LMNTD1: variants seen among roughly 807,000 people sequenced by gnomAD.
The protein encoded by LMNTD1 is lamin tail domain-containing protein 1.
A neutral mutation model predicts 50.9 loss-of-function variants in LMNTD1; 35 were observed. The observed-to-expected ratio is 0.69, with a 90% CI of 0.53 to 0.91. The LOEUF is 0.91. Among genes scored for constraint, LMNTD1 ranks in the 40% least tolerant of loss-of-function variants. The pLI, the probability that LMNTD1 is intolerant of heterozygous loss-of-function variation, is 0.00. For synonymous variants in LMNTD1, 153 were observed against 161.9 expected (o/e 0.94, Z 0.42); for missense variants, 470 against 475.5 (o/e 0.99, Z 0.11).
intron 1 of LMNTD1, among the ~76,000 whole-genome samples, chr12:25,642,460 T>A (rs987538883): frequency 6.6e-6 from 1 of 152,120 alleles, no homozygotes; most frequent in Non-Finnish European, 1.5e-5. Flanking sequence ...AACCCAACCA[T>A]GCTGCACTCC....
intron 4 of LMNTD1, among the ~76,000 whole-genome samples, chr12:25,543,301 C>A (rs1943220064): frequency 6.6e-6 from 1 of 151,922 alleles, no homozygotes; most frequent in Non-Finnish European, 1.5e-5. Flanking sequence ...CCAAAACAGA[C>A]AAGGACATTA....
chr12:25,511,057 A>G (rs1026161864), intron 8 of LMNTD1, among the ~76,000 whole-genome samples: 6 of 152,154 alleles, frequency 3.9e-5, no homozygotes, highest in Admixed American at 3.9e-4. Context: ...AGGATGAAAA[A>G]GAATTATCCA....
intron 9 of LMNTD1, among the ~76,000 whole-genome samples, chr12:25,488,048 C>T (rs1413301290): frequency 6.7e-6 from 1 of 148,250 alleles, no homozygotes; most frequent in Non-Finnish European, 1.5e-5. Context: ...CGACCTTTCT[C>T]TCTGGCTGCC....
At chr12:25,517,764 G>GAAAAAA (rs1399498214) in intron 8 of LMNTD1, among the ~76,000 whole-genome samples, 1 of 41,640 alleles carries the variant, frequency 2.4e-5, no homozygotes, top group Admixed American at 2.5e-4. Context: ...TTCTAAGCAG[G>GAAAAAA]AAAAAAGAAA....
rs549027201 is a variant in LMNTD1, at chr12:25,489,414, A to C, written c.*23-12954T>G. Among the ~76,000 whole-genome samples, 27 of 151,456 alleles carry C rather than the reference A, an allele frequency of 1.8e-4. No individual in the cohort carries two copies. In the East Asian group the frequency reaches 3.5e-3, roughly 20 times the overall value. On this transcript the variant is annotated intron_variant, in intron 9 of 9. Transcript: ENST00000458174. ...TTCCAGGTGCGTCCGTCACCCCTTT[A>C]TTTGACTCGGAAAGGGAACTCCCTG...
chr12:25,625,577 T>A (rs1323610053), intron 1 of LMNTD1, among the ~76,000 whole-genome samples: 4 of 152,192 alleles, frequency 2.6e-5, no homozygotes, highest in African/African-American at 9.6e-5. Flanking sequence ...CCATGCCTTC[T>A]CCAATTGAGC....
intron 1 of LMNTD1, among the ~76,000 whole-genome samples, chr12:25,639,801 C>A (rs1946914013): frequency 6.6e-6 from 1 of 152,144 alleles, no homozygotes; most frequent in Admixed American, 6.5e-5. Flanking sequence ...ACACCTAGAT[C>A]TATACACAAT....
intron 1 of LMNTD1, among the ~76,000 whole-genome samples, chr12:25,612,328 A>ACACGCACG (rs34069424): frequency 6.8e-6 from 1 of 146,418 alleles, no homozygotes; most frequent in East Asian, 2.0e-4. Context: ...ACACACACAC[A>ACACGCACG]CGCGCTCCCA....
intron 8 of LMNTD1, among the ~76,000 whole-genome samples, chr12:25,508,328 C>A (rs1469989477): frequency 1.3e-5 from 2 of 152,110 alleles, no homozygotes; most frequent in African/African-American, 4.8e-5. Flanking sequence ...ACCTTTGACA[C>A]CATGGTTCAA....
intron 4 of LMNTD1, among the ~76,000 whole-genome samples, chr12:25,534,540 G>A (rs1330346792): frequency 6.6e-6 from 1 of 152,150 alleles, no homozygotes; most frequent in Admixed American, 6.5e-5. Context: ...GAGGTCACAA[G>A]GAGAGTATCA....
intron 1 of LMNTD1, among the ~76,000 whole-genome samples, chr12:25,594,610 C>A (rs1945792631): frequency 7.9e-6 from 1 of 126,954 alleles, no homozygotes; most frequent in African/African-American, 3.0e-5. Flanking sequence ...AACAGCACAT[C>A]TTTAAAGCAT....
chr12:25,542,300 A>G (rs1362069053), intron 4 of LMNTD1, among the ~76,000 whole-genome samples: 1 of 151,870 alleles, frequency 6.6e-6, no homozygotes, highest in Non-Finnish European at 1.5e-5. Flanking sequence ...TATTCACAAT[A>G]GCAAAGACTT....
intron 1 of LMNTD1, among the ~76,000 whole-genome samples, chr12:25,614,229 T>C (rs1390530622): frequency 1.3e-5 from 2 of 152,058 alleles, no homozygotes; most frequent in African/African-American, 4.8e-5. Context: ...ATTTTTCTAG[T>C]TCTCTTCTGG....
chr12:25,486,810 T>C lies in LMNTD1; in HGVS notation c.*23-10350A>G, dbSNP rs918394543. 6.0e-5 allele frequency among the ~76,000 whole-genome samples: 9 copies of C among 151,016 alleles called. No homozygotes were observed. In the South Asian group the frequency reaches 8.5e-4, roughly 14 times the overall value. The stretch of plus-strand genomic sequence containing the variant: ...CTGTTTATATGCTGGATTACATTTA[T>C]TGATTTGCATATATTGAACCAGCCT... On this transcript the variant is annotated intron_variant, in intron 9 of 9. Coordinates refer to ENST00000458174, the MANE Select transcript of LMNTD1 (RefSeq NM_001145728.2).
chr12:25,527,640 CTATATA>C lies in LMNTD1; in HGVS notation c.492-691_492-686del, dbSNP rs61347000. 7.0e-3 allele frequency among the ~76,000 whole-genome samples: 433 copies of C among 61,522 alleles called. 1 individual carries two copies. The highest frequency in any genetic ancestry group is 8.4e-3 in the Non-Finnish European group (271 of 32,194). 40.4% of individuals were successfully genotyped at this position (61,522 alleles called of 152,430 possible). On this transcript the variant is annotated intron_variant, in intron 4 of 9. Coordinates refer to ENST00000458174, the MANE Select transcript of LMNTD1 (RefSeq NM_001145728.2). Reference sequence around the variant, plus strand: ...CTTATATGCCAGGCACTTAATAACACTATATATATATATATATATATATATATATAT... The same window carrying C: ...CTTATATGCCAGGCACTTAATAACACTATATATATATATATATATATATAT...
At chr12:25,606,464 G>A (rs1205354092) in intron 1 of LMNTD1, among the ~76,000 whole-genome samples, 1 of 152,104 alleles carries the variant, frequency 6.6e-6, no homozygotes, top group East Asian at 1.9e-4. Context: ...TATTGGCTGT[G>A]GGTTTGTCAT....
intron 6 of LMNTD1, among the ~76,000 whole-genome samples, chr12:25,525,866 T>C (rs1941669156): frequency 1.3e-5 from 2 of 152,090 alleles, no homozygotes; most frequent in African/African-American, 2.4e-5. Context: ...TTTGACAACA[T>C]GGTTATCCAT....
intron 1 of LMNTD1, among the ~76,000 whole-genome samples, chr12:25,631,683 C>G (rs912461179): frequency 1.3e-5 from 2 of 152,172 alleles, no homozygotes; most frequent in Admixed American, 6.5e-5. Flanking sequence ...TCTGACAGAG[C>G]CTACCCAAAT....
At chr12:25,551,565 A>C (rs1943746159) in intron 2 of LMNTD1, among the ~76,000 whole-genome samples, 2 of 151,964 alleles carry the variant, frequency 1.3e-5, no homozygotes, top group South Asian at 4.2e-4. Context: ...ATTTTGAAAA[A>C]AATTTTGTAG....
Sources: allele counts gnomAD v4.1 joint callset (sites outside exome capture counted in the v4.1 genomes callset), GRCh38; gene constraint gnomAD v4.1.1; transcripts MANE v1.5; gene names NCBI Gene and HGNC (gene_info 2026-07-23, HGNC 2026-07-21).